TENM4: variants seen among roughly 807,000 people sequenced by gnomAD.
The protein encoded by TENM4 is teneurin transmembrane protein 4.
In TENM4, 82 loss-of-function variants were observed where a neutral mutation model predicts 243.3. The observed-to-expected ratio is 0.34, with a 90% CI of 0.28 to 0.40. The LOEUF (loss-of-function observed/expected upper bound fraction) is 0.40, where lower values mean the gene tolerates loss of function less well. Among genes scored for constraint, TENM4 ranks in the 10% least tolerant of loss-of-function variants. TENM4 has a pLI of 1.00. For missense variants in TENM4, 3,138 were observed against 3,673.3 expected (o/e 0.85, Z 3.77); for synonymous variants, 1,412 against 1,456.3 (o/e 0.97, Z 0.69).
rs571844725 is a variant in TENM4 at position 79,215,932 on chromosome 11, T to C, written c.-264-23A>G. On this transcript the variant is annotated intron_variant, in intron 2 of 33. Transcript: ENST00000278550. ...TTTCTGTTGAAGCAGAGAACACAGA[T>C]CCAACTGAGTGAGGTGGCAAGATGC... is the stretch of plus-strand genomic sequence containing the variant. 4 of 909,372 alleles carry C rather than the reference T, an allele frequency of 4.4e-6. No individual in the cohort carries two copies. In the East Asian group the frequency reaches 4.8e-4, roughly 108 times the overall value. The allele number at this position is 909,372 out of a possible 1,614,324, so 56.3% of individuals were successfully genotyped here. A position where few individuals can be genotyped will look rare whatever the true frequency, so the allele number is the denominator to read the frequency against.
intron 4 of TENM4, among the ~76,000 whole-genome samples, chr11:79,112,809 AG>A (rs1861534884): frequency 6.6e-6 from 1 of 152,080 alleles, no homozygotes; most frequent in Admixed American, 6.5e-5. Flanking sequence ...TCTTTCTTCA[AG>A]GCAGAGCCCC....
At chr11:79,316,469 C>G (rs1321218295) in intron 1 of TENM4, among the ~76,000 whole-genome samples, 4 of 152,176 alleles carry the variant, frequency 2.6e-5, no homozygotes, top group Non-Finnish European at 5.9e-5. Context: ...TCTGTGTGGG[C>G]TAACAAGCGT....
At chr11:79,209,863 G>C (rs1428225695) in intron 3 of TENM4, among the ~76,000 whole-genome samples, 1 of 152,194 alleles carries the variant, frequency 6.6e-6, no homozygotes, top group East Asian at 1.9e-4. Flanking sequence ...AGCTTTACCA[G>C]GTATCAGCTA....
intron 4 of TENM4, among the ~76,000 whole-genome samples, chr11:79,117,782 A>C (rs999633696): frequency 6.6e-6 from 1 of 152,114 alleles, no homozygotes; most frequent in African/African-American, 2.4e-5. Context: ...TAACCTTTCT[A>C]CACATCAGTC....
chr11:79,069,928 C>G lies in TENM4; in HGVS notation c.17G>C (p.Arg6Thr). The G allele has an allele frequency of 6.5e-7, 1 of 1,546,512 alleles. No homozygotes were observed. Reference sequence around the variant, plus strand: ...CCGGGTCAGCGAGCGGTAAGGCTTCCTCTCCTTCACGTCCATGGCCTCCGG... The same window carrying G: ...CCGGGTCAGCGAGCGGTAAGGCTTCGTCTCCTTCACGTCCATGGCCTCCGG... MDVKE[R>T]KPYRSLTRRR... The change falls in exon 5 of 34, where the codon AGG (arginine) becomes ACG (threonine). Residue 6 changes from arginine to threonine, a missense_variant. Transcript: ENST00000278550.
chr11:79,039,830 A>G (rs957345753), intron 6 of TENM4, among the ~76,000 whole-genome samples: 4 of 152,100 alleles, frequency 2.6e-5, no homozygotes, highest in Non-Finnish European at 5.9e-5. Context: ...ACAAAATAGT[A>G]CCTCCTATAA....
At chr11:78,922,431 C>T (rs1856467004) in intron 6 of TENM4, among the ~76,000 whole-genome samples, 1 of 152,162 alleles carries the variant, frequency 6.6e-6, no homozygotes, top group African/African-American at 2.4e-5. Context: ...TTCTTTAAAT[C>T]TCTGTTTCTC....
intron 6 of TENM4, among the ~76,000 whole-genome samples, chr11:78,957,461 C>G (rs1013433666): frequency 6.6e-6 from 1 of 152,274 alleles, no homozygotes; most frequent in Non-Finnish European, 1.5e-5. Context: ...GTTGACACCC[C>G]CAGGGACTCT....
At chr11:79,250,077 C>G (rs867767316) in intron 2 of TENM4, among the ~76,000 whole-genome samples, 1 of 152,132 alleles carries the variant, frequency 6.6e-6, no homozygotes, top group Non-Finnish European at 1.5e-5. Flanking sequence ...CCTCTGTCTC[C>G]CCTGTTCAAG....
At chr11:78,708,569 G>T in intron 26 of TENM4, 54 bp from the exon 27 acceptor site, 1 of 1,583,302 alleles carries the variant, frequency 6.3e-7, no homozygotes. Context: ...ACAATGACCC[G>T]CACATTCCTG....
At chr11:79,100,435 T>C (rs1861199839) in intron 4 of TENM4, among the ~76,000 whole-genome samples, 1 of 152,120 alleles carries the variant, frequency 6.6e-6, no homozygotes, top group South Asian at 2.1e-4. Context: ...CACTTCCATA[T>C]TTATCATCTA....
At position 78,840,402 on chromosome 11, in the gene TENM4, G is replaced by A. The variant is rs971084878; in HGVS notation, c.1681+13702C>T. Among the ~76,000 whole-genome samples, 7 of 152,100 alleles carry A rather than the reference G, an allele frequency of 4.6e-5. No individual in the cohort carries two copies. The East Asian group carries it at 9.6e-4, about 21-fold the overall frequency. ...GAAACAAACTGGGCTTCTTTTAGCC[G>A]AGAACATGAGCATTGCTTAGATAAA... On this transcript the variant is annotated intron_variant, in intron 12 of 33. Coordinates refer to ENST00000278550, the MANE Select transcript of TENM4 (RefSeq NM_001098816.3).
chr11:79,123,211 C>A (rs1213734579), intron 4 of TENM4, among the ~76,000 whole-genome samples: 2 of 152,144 alleles, frequency 1.3e-5, no homozygotes, highest in East Asian at 3.9e-4. Flanking sequence ...TTACTATGGG[C>A]CAGGACCAAA....
At chr11:78,757,478 A>C (rs1320310397) in intron 18 of TENM4, among the ~76,000 whole-genome samples, 1 of 152,232 alleles carries the variant, frequency 6.6e-6, no homozygotes, top group African/African-American at 2.4e-5. Flanking sequence ...GGAATCACCG[A>C]AGGCTTTTAA....
At chr11:79,242,930 G>A (rs1393437725) in intron 2 of TENM4, among the ~76,000 whole-genome samples, 3 of 152,194 alleles carry the variant, frequency 2.0e-5, no homozygotes, top group African/African-American at 7.2e-5. Context: ...TGCAGGCCTT[G>A]ATCTGATGCA....
chr11:79,306,356 T>TTA (rs1244307549), intron 1 of TENM4, among the ~76,000 whole-genome samples: 1 of 151,922 alleles, frequency 6.6e-6, no homozygotes, highest in Non-Finnish European at 1.5e-5. Flanking sequence ...CAGAAAAGCT[T>TTA]TATAGAAGAG....
Position 78,653,601 on chromosome 11 carries a change from T to C in TENM4, c.*4457A>G, listed in dbSNP as rs1857821780. On this transcript the variant is annotated 3_prime_UTR_variant, in exon 34 of 34. Coordinates refer to ENST00000278550, the MANE Select transcript of TENM4 (RefSeq NM_001098816.3). ...AGAGGTGCTCAGAACAACAGGTGGATTTAGAAAAGTGGGATTCTGGTGTTG... is the reference window on the plus strand; with the variant it reads ...AGAGGTGCTCAGAACAACAGGTGGACTTAGAAAAGTGGGATTCTGGTGTTG... 6.6e-6 allele frequency: 1 copy of C among 152,232 alleles called. No homozygotes were observed. The highest frequency in any genetic ancestry group is 1.5e-5 in the Non-Finnish European group (1 of 68,082). 9.4% of individuals were successfully genotyped at this position (152,232 alleles called of 1,614,324 possible).
chr11:78,820,570 G>A (rs1303958904), intron 12 of TENM4, among the ~76,000 whole-genome samples: 2 of 152,204 alleles, frequency 1.3e-5, no homozygotes, highest in African/African-American at 2.4e-5. Flanking sequence ...ACCTGGCAGA[G>A]CTGGTATTTT....
intron 25 of TENM4, among the ~76,000 whole-genome samples, chr11:78,713,323 C>A (rs1293885466): frequency 6.6e-6 from 1 of 152,132 alleles, no homozygotes; most frequent in African/African-American, 2.4e-5. Flanking sequence ...AAGTGAACTG[C>A]AGGATTAGTT....
Sources: gnomAD v4.1 joint callset for allele counts (sites outside exome capture counted in the v4.1 genomes callset) on GRCh38, gnomAD v4.1.1 for gene constraint, MANE v1.5 for transcripts, NCBI Gene and HGNC (gene_info 2026-07-23, HGNC 2026-07-21) for gene names.